The following COPZ1 variants were observed in gnomAD, a reference collection of about 807,000 sequenced individuals.
COPZ1 encodes the protein coatomer subunit zeta-1.
COPZ1 carries 4 observed loss-of-function variants against 31.7 expected under a neutral mutation model. The ratio of observed to expected loss-of-function variants is 0.13; its 90% CI spans 0.06 to 0.29. The LOEUF is 0.29. Ranked by LOEUF, COPZ1 falls within the 10% of genes least tolerant of loss-of-function variation. COPZ1 has a pLI of 1.00. For synonymous variants in COPZ1, 74 were observed against 79.0 expected, an observed-to-expected ratio of 0.94 and a Z score of 0.33; for missense variants, 156 against 211.5, an observed-to-expected ratio of 0.74 and a Z score of 1.63.
chr12:54,350,066 T>G, intron 8 of COPZ1: 1 of 602,152 alleles, frequency 1.7e-6, no homozygotes, highest in Non-Finnish European at 2.9e-6. Context: ...TGCAGATCCA[T>G]CTTGCTACCT....
intron 3 of COPZ1, among the ~76,000 whole-genome samples, chr12:54,342,895 C>T (rs1217275049): frequency 7.1e-6 from 1 of 140,212 alleles, no homozygotes; most frequent in Non-Finnish European, 1.5e-5. Context: ...CTCTCTCTGT[C>T]ACCCAGGCTG....
chr12:54,329,829 A>G (rs532339384), intron 1 of COPZ1, among the ~76,000 whole-genome samples: 12 of 152,300 alleles, frequency 7.9e-5, no homozygotes, highest in South Asian at 4.1e-4. Flanking sequence ...TGGAGGAGGA[A>G]ACTATGCAGA....
intron 1 of COPZ1, among the ~76,000 whole-genome samples, chr12:54,331,242 A>C (rs1953747319): frequency 7.6e-6 from 1 of 132,108 alleles, no homozygotes; most frequent in African/African-American, 2.9e-5. Context: ...GTGCAATGGC[A>C]TGATCTTGGC....
intron 3 of COPZ1, chr12:54,342,521 G>A (rs561582130): frequency 7.3e-5 from 39 of 536,262 alleles, no homozygotes; most frequent in Middle Eastern, 1.0e-3. Flanking sequence ...GGATTTATGA[G>A]CCTCACTTGA....
intron 2 of COPZ1, 123 bp downstream of exon 2, chr12:54,340,738 C>CTT (rs35078728): frequency 3.3e-3 from 2,985 of 909,054 alleles, no homozygotes; most frequent in South Asian, 9.3e-3. Flanking sequence ...ATACTTCCAT[C>CTT]TTTTTTTTTT....
chr12:54,342,567 C>T, intron 3 of COPZ1: 1 of 437,830 alleles, frequency 2.3e-6, no homozygotes, highest in South Asian at 2.5e-5. Context: ...TGTACCGCAT[C>T]CATTAGGGCA....
intron 1 of COPZ1, among the ~76,000 whole-genome samples, chr12:54,338,229 C>T (rs753746624): frequency 1.3e-5 from 2 of 152,186 alleles, no homozygotes; most frequent in East Asian, 1.9e-4. Flanking sequence ...AAAATGATTT[C>T]GTCTAAATTT....
intron 7 of COPZ1, 77 bp from the exon 8 acceptor site, chr12:54,349,543 C>T: frequency 8.5e-7 from 1 of 1,178,126 alleles, no homozygotes; most frequent in Admixed American, 1.7e-5. Context: ...TCACTTTTTT[C>T]TTCTCTAATA....
chr12:54,332,777 T>G (rs1953780519), intron 1 of COPZ1, among the ~76,000 whole-genome samples: 1 of 151,240 alleles, frequency 6.6e-6, no homozygotes, highest in Admixed American at 6.6e-5. Flanking sequence ...GGAGGGAGCG[T>G]GGTTGCTGAC....
intron 1 of COPZ1, among the ~76,000 whole-genome samples, chr12:54,332,784 T>G (rs1953780702): frequency 6.6e-6 from 1 of 151,710 alleles, no homozygotes; most frequent in Admixed American, 6.6e-5. Flanking sequence ...GCGTGGTTGC[T>G]GACCTTTATT....
At chr12:54,328,431 G>A (rs1416624722) in intron 1 of COPZ1, among the ~76,000 whole-genome samples, 1 of 151,510 alleles carries the variant, frequency 6.6e-6, no homozygotes, top group Admixed American at 6.6e-5. Context: ...TTAGCTGGGC[G>A]TGGCCACGCC....
intron 1 of COPZ1, among the ~76,000 whole-genome samples, chr12:54,330,873 C>T (rs1400202924): frequency 6.6e-6 from 1 of 152,216 alleles, no homozygotes; most frequent in East Asian, 1.9e-4. Flanking sequence ...AGAGGAAAGG[C>T]AGAGTGCCCA....
intron 1 of COPZ1, among the ~76,000 whole-genome samples, chr12:54,340,017 G>GTA (rs1953946394): frequency 6.7e-6 from 1 of 148,252 alleles, no homozygotes; most frequent in South Asian, 2.2e-4. Flanking sequence ...GTGTGTGTGT[G>GTA]TGTAAACGCT....
intron 7 of COPZ1, 171 bp downstream of exon 7, chr12:54,348,222 G>A (rs891703668): frequency 4.9e-6 from 3 of 613,922 alleles, no homozygotes; most frequent in African/African-American, 1.8e-5. Context: ...TTGTCCCAAA[G>A]AAAGAAGCAG....
intron 1 of COPZ1, among the ~76,000 whole-genome samples, chr12:54,334,680 C>T (rs1481761026): frequency 2.0e-5 from 3 of 151,722 alleles, no homozygotes; most frequent in African/African-American, 7.3e-5. Flanking sequence ...GGTGAAACCC[C>T]GTCTCTACTA....
intron 1 of COPZ1, among the ~76,000 whole-genome samples, chr12:54,333,151 C>T (rs2137089842): frequency 6.6e-6 from 1 of 152,254 alleles, no homozygotes; most frequent in East Asian, 1.9e-4. Context: ...TTAAGCAATT[C>T]TCATGCCTCA....
At chr12:54,326,638 G>A (rs1221478114) in intron 1 of COPZ1, among the ~76,000 whole-genome samples, 1 of 94,388 alleles carries the variant, frequency 1.1e-5, no homozygotes, top group Admixed American at 1.4e-4. Flanking sequence ...GCGATTTGGA[G>A]GGGTGTGTGT....
intron 1 of COPZ1, among the ~76,000 whole-genome samples, chr12:54,338,977 T>C (rs1290786357): frequency 1.3e-5 from 2 of 152,158 alleles, no homozygotes; most frequent in Non-Finnish European, 2.9e-5. Flanking sequence ...TGGCAATGAT[T>C]TTTTCCTCCT....
intron 4 of COPZ1, among the ~76,000 whole-genome samples, chr12:54,344,350 C>T (rs1237966434): frequency 6.6e-6 from 1 of 152,118 alleles, no homozygotes; most frequent in African/African-American, 2.4e-5. Flanking sequence ...GAGGCCGAGG[C>T]AGGCGGATCA....
Sources: allele counts gnomAD v4.1 joint callset (sites outside exome capture counted in the v4.1 genomes callset), GRCh38; gene constraint gnomAD v4.1.1; transcripts MANE v1.5; gene names NCBI Gene and HGNC (gene_info 2026-07-23, HGNC 2026-07-21).